The following TKTL1 variants were observed in gnomAD, a reference collection of about 807,000 sequenced individuals.
TKTL1 encodes the protein transketolase like 1.
A neutral mutation model predicts 39.3 loss-of-function variants in TKTL1; 1 was observed. That is an observed-to-expected ratio of 0.03 (90% CI 0.01 to 0.12). TKTL1 has a LOEUF of 0.12. Ranked by LOEUF, TKTL1 falls within the 10% of genes least tolerant of loss-of-function variation. TKTL1 has a pLI of 1.00. For synonymous variants in TKTL1, 262 were observed against 193.8 expected (o/e 1.35, Z -2.92); for missense variants, 575 against 509.6 (o/e 1.13, Z -1.24).
chrX:154,317,257 A>G (rs1221976765), intron 7 of TKTL1, among the ~76,000 whole-genome samples: 5 of 112,174 alleles, frequency 4.5e-5, no homozygotes, highest in Non-Finnish European at 9.4e-5. Flanking sequence ...AGCAGGTGGT[A>G]TTTAGTGCCA....
chrX:154,312,749 A>T lies in TKTL1; in HGVS notation c.840A>T (p.Pro280=). ...VNITDVRMTS[P]PDYRVGDKIA... ...TCACAGATGTAAGGATGACCTCTCC[A>T]CCTGATTACAGAGTTGGTGACAAGG... Residue 280 remains proline (P), a synonymous_variant, in exon 6 of 13, where the codon CCA becomes CCT. Coordinates refer to ENST00000369915, the MANE Select transcript of TKTL1 (RefSeq NM_012253.4). The T allele has an allele frequency of 8.3e-7, 1 of 1,206,166 alleles. No homozygotes were observed. The highest frequency in any genetic ancestry group is 1.1e-6 in the Non-Finnish European group (1 of 893,023).
At chrX:154,323,091 A>T in intron 8 of TKTL1, 116 bp from the exon 9 acceptor site, 2 of 954,813 alleles carry the variant, frequency 2.1e-6, no homozygotes, top group Non-Finnish European at 2.9e-6. Flanking sequence ...GCTCTGCTAC[A>T]GCTCGGGACA....
intron 10 of TKTL1, 172 bp from the exon 11 acceptor site, chrX:154,327,419 A>T (rs1557172184): frequency 1.8e-6 from 1 of 570,308 alleles, no homozygotes; most frequent in South Asian, 2.3e-5. Context: ...GTAATTTCCT[A>T]TCAAAAAGTA....
At chrX:154,309,768 C>A (rs1343615223) in intron 3 of TKTL1, among the ~76,000 whole-genome samples, 1 of 111,598 alleles carries the variant, frequency 9.0e-6, no homozygotes, top group Non-Finnish European at 1.9e-5. Context: ...CTGAGTCTCA[C>A]TCTGTGGCCA....
intron 6 of TKTL1, among the ~76,000 whole-genome samples, chrX:154,314,222 G>A (rs140801471): frequency 0.031 from 3,465 of 111,123 alleles, 77 homozygotes; most frequent in Non-Finnish European, 0.046. Flanking sequence ...TTCCAAATAC[G>A]GAGGAAGATG....
chrX:154,319,856 G>A (rs1313577135), intron 7 of TKTL1, among the ~76,000 whole-genome samples: 2 of 111,972 alleles, frequency 1.8e-5, no homozygotes, highest in Non-Finnish European at 3.8e-5. Flanking sequence ...CATCCCCTTT[G>A]GAAAGCCTGT....
chrX:154,313,003 T>C (rs2067370627), intron 6 of TKTL1, among the ~76,000 whole-genome samples: 1 of 112,094 alleles, frequency 8.9e-6, no homozygotes, highest in African/African-American at 3.2e-5. Flanking sequence ...AGATACTGTG[T>C]AGTGGTGAGG....
chrX:154,296,509 TAAAAATA>T (rs1405291091), intron 1 of TKTL1, among the ~76,000 whole-genome samples: 1 of 109,191 alleles, frequency 9.2e-6, no homozygotes, highest in Non-Finnish European at 1.9e-5. Flanking sequence ...TACCAAAAAA[TAAAAATA>T]AAAAATGAGT....
intron 1 of TKTL1, 168 bp from the exon 2 acceptor site, chrX:154,305,136 G>A (rs782058654): frequency 8.7e-5 from 102 of 1,165,833 alleles, no homozygotes; most frequent in Admixed American, 2.7e-4. Context: ...TGAGCTTACC[G>A]GGCTTTAAAG....
rs1278259225 is a variant in TKTL1 at position 154,304,876 on chromosome X, T to C, written c.135-428T>C. 1.5e-5 allele frequency: 8 copies of C among 547,418 alleles called. No homozygotes were observed. In the African/African-American group the frequency reaches 1.7e-4, roughly 12 times the overall value. The allele number at this position is 547,418 out of a possible 1,213,427, so 45.1% of individuals were successfully genotyped here. On this transcript the variant is annotated intron_variant, in intron 1 of 12. Transcript: ENST00000369915. ...CATTCAGAAAGGGCCTCAGTTACTCTACCATGACAAATTTCTCAGTCTGTC... is the reference window on the plus strand; with the variant it reads ...CATTCAGAAAGGGCCTCAGTTACTCCACCATGACAAATTTCTCAGTCTGTC...
At chrX:154,309,521 T>C (rs1011657520) in intron 3 of TKTL1, 79 bp downstream of exon 3, 6 of 868,799 alleles carry the variant, frequency 6.9e-6, no homozygotes, top group Non-Finnish European at 1.0e-5. Flanking sequence ...CAGCCACCTA[T>C]CTCCGTGATG....
At chrX:154,304,474 T>TAATC (rs2067299483) in intron 1 of TKTL1, among the ~76,000 whole-genome samples, 1 of 109,790 alleles carries the variant, frequency 9.1e-6, no homozygotes, top group Non-Finnish European at 1.9e-5. Flanking sequence ...CTCATGCCTG[T>TAATC]AATCCCAGCA....
Position 154,299,607 on chromosome X carries a change from C to T in TKTL1, c.134+3614C>T, listed in dbSNP as rs782005605. Among the ~76,000 whole-genome samples the T allele has an allele frequency of 5.4e-5, 6 of 111,297 alleles. No individual in the cohort carries two copies. In the East Asian group the frequency reaches 1.1e-3, roughly 21 times the overall value. The stretch of plus-strand genomic sequence containing the variant: ...CCAATATGTAGTCTTTTATCCCTCA[C>T]CTCCTTCCTACCTTCCCCCTTCATT... On this transcript the variant is annotated intron_variant, in intron 1 of 12. Transcript: ENST00000369915.
chrX:154,324,575 A>G (rs1721523642), intron 9 of TKTL1, among the ~76,000 whole-genome samples: 2 of 112,188 alleles, frequency 1.8e-5, no homozygotes, highest in African/African-American at 6.5e-5. Flanking sequence ...AGGTTGCTTC[A>G]TAGTGGGGGG....
chrX:154,307,119 G>A (rs1047171441), intron 2 of TKTL1, among the ~76,000 whole-genome samples: 1 of 110,293 alleles, frequency 9.1e-6, no homozygotes, highest in African/African-American at 3.3e-5. Context: ...CAAAAAATAC[G>A]AAAATTAGCT....
chrX:154,295,926 G>T lies in TKTL1; in HGVS notation c.67G>T (p.Val23Leu). ...EARPDRGTLQ[V>L]LQDMASRLRI... ...CAGACCTGACAGGGGCACCTTGCAG[G>T]TGTTGCAAGATATGGCCAGCCGCTT... is the stretch of plus-strand genomic sequence containing the variant. Residue 23 changes from valine (V) to leucine (L), a missense_variant, in exon 1 of 13, where the codon GTG becomes TTG. Transcript: ENST00000369915. The T allele has an allele frequency of 5.0e-6, 6 of 1,211,853 alleles. No individual in the cohort carries two copies. The highest frequency in any genetic ancestry group is 6.7e-6 in the Non-Finnish European group (6 of 895,335).
At chrX:154,312,442 C>T in intron 5 of TKTL1, 138 bp from the exon 6 acceptor site, 3 of 587,367 alleles carry the variant, frequency 5.1e-6, no homozygotes, top group South Asian at 7.2e-5. Flanking sequence ...GCAGCAGCGT[C>T]CCAGGCCCTC....
At chrX:154,298,882 T>C (rs1603350677) in intron 1 of TKTL1, among the ~76,000 whole-genome samples, 1 of 110,230 alleles carries the variant, frequency 9.1e-6, no homozygotes, top group East Asian at 2.8e-4. Flanking sequence ...TCTTGCTGTG[T>C]CGCCCAGGCT....
intron 10 of TKTL1, chrX:154,327,263 TAGCACTC>T (rs2067500083): frequency 4.8e-6 from 2 of 418,002 alleles, no homozygotes; most frequent in African/African-American, 2.4e-5. Flanking sequence ...CACAAGATCT[TAGCACTC>T]AGCGTGTTGC....
Sources: gnomAD v4.1 joint callset for allele counts (sites outside exome capture counted in the v4.1 genomes callset) on GRCh38, gnomAD v4.1.1 for gene constraint, MANE v1.5 for transcripts, NCBI Gene and HGNC (gene_info 2026-07-23, HGNC 2026-07-21) for gene names.